EML1: variants seen among roughly 807,000 people sequenced by gnomAD.
EML1 encodes the protein echinoderm microtubule-associated protein-like 1.
Under a neutral mutation model 110.4 loss-of-function variants are expected in EML1, and 27 were observed. That is an observed-to-expected ratio of 0.24 (90% confidence interval 0.18 to 0.34). The LOEUF is 0.34. Among genes scored for constraint, EML1 ranks in the 10% least tolerant of loss-of-function variants. EML1 has a pLI of 1.00. For missense variants in EML1, 741 were observed against 1,030.9 expected (o/e 0.72, Z 3.85); for synonymous variants, 344 against 385.8 (o/e 0.89, Z 1.27).
intron 5 of EML1, among the ~76,000 whole-genome samples, chr14:99,892,965 G>A (rs761688636): frequency 1.4e-5 from 2 of 148,134 alleles, no homozygotes; most frequent in African/African-American, 2.6e-5. Context: ...AATGTCAATC[G>A]TTTGGGTGCT....
At chr14:99,927,793 T>TGG (rs1403520973) in intron 17 of EML1, among the ~76,000 whole-genome samples, 3 of 22,890 alleles carry the variant, frequency 1.3e-4, no homozygotes, top group African/African-American at 2.4e-4. Flanking sequence ...GGTGGTGGTA[T>TGG]TGGTGGTGGG....
intron 1 of EML1, among the ~76,000 whole-genome samples, chr14:99,787,426 C>T (rs1339190320): frequency 6.6e-6 from 1 of 151,888 alleles, no homozygotes; most frequent in Non-Finnish European, 1.5e-5. Context: ...TTATATCCAC[C>T]TGCCACCATG....
chr14:99,912,288 A>T (rs967845655), intron 13 of EML1, among the ~76,000 whole-genome samples: 1 of 152,186 alleles, frequency 6.6e-6, no homozygotes, highest in Non-Finnish European at 1.5e-5. Flanking sequence ...CTAAGTGCCA[A>T]TGTGCTCCCT....
chr14:99,886,150 A>C (rs1287312047), intron 4 of EML1: 3 of 236,786 alleles, frequency 1.3e-5, no homozygotes, highest in African/African-American at 7.0e-5. Context: ...TCTGACTTCC[A>C]GCAGGAACTT....
intron 17 of EML1, among the ~76,000 whole-genome samples, chr14:99,927,192 C>CA (rs893564787): frequency 4.0e-5 from 6 of 151,538 alleles, no homozygotes; most frequent in East Asian, 1.9e-4. Context: ...AACCAGGAAG[C>CA]AAAAAAAAGC....
At chr14:99,907,508 A>G (rs2059871136) in intron 9 of EML1, 130 bp from the exon 10 acceptor site, 1 of 767,084 alleles carries the variant, frequency 1.3e-6, no homozygotes, top group Non-Finnish European at 2.1e-6. Context: ...CTCAAAAGCA[A>G]TGGATGAGTA....
chr14:99,899,135 G>T (rs2059718935), intron 8 of EML1, among the ~76,000 whole-genome samples: 1 of 152,036 alleles, frequency 6.6e-6, no homozygotes, highest in African/African-American at 2.4e-5. Context: ...GAGGGAGCTT[G>T]TAGCTTTTTT....
chr14:99,872,998 G>A (rs79187980), intron 3 of EML1, among the ~76,000 whole-genome samples: 1,964 of 152,240 alleles, frequency 0.013, 38 homozygotes, highest in Non-Finnish European at 0.015. Flanking sequence ...TTAAGACTTC[G>A]ATTGAGGGCT....
rs1249929087 is a variant in EML1, at chr14:99,937,173, G to T, written c.2096-644G>T. Among the ~76,000 whole-genome samples, 7 of 152,240 alleles carry T rather than the reference G, an allele frequency of 4.6e-5. 1 individual carries two copies. Among genetic ancestry groups the T allele is most frequent in the African/African-American group, 1.7e-4 (7 of 41,466 alleles). On this transcript the variant is annotated intron_variant, in intron 19 of 21. Transcript: ENST00000262233. ...ACCAGGACAGGCAGGACCACTGGCG[G>T]CAGGGAAAGCAGGGCAGTGTGTACC...
chr14:99,824,153 T>A (rs892303120), intron 1 of EML1, among the ~76,000 whole-genome samples: 3 of 152,134 alleles, frequency 2.0e-5, no homozygotes, highest in Non-Finnish European at 4.4e-5. Context: ...AGAGATGGGG[T>A]TTCACTATGT....
intron 19 of EML1, among the ~76,000 whole-genome samples, chr14:99,937,547 T>C (rs1329489960): frequency 6.6e-6 from 1 of 151,958 alleles, no homozygotes; most frequent in Non-Finnish European, 1.5e-5. Flanking sequence ...AACCAGAGGC[T>C]AGAGAAGCCA....
chr14:99,816,388 C>T (rs1429136869), intron 1 of EML1, among the ~76,000 whole-genome samples: 2 of 152,228 alleles, frequency 1.3e-5, no homozygotes, highest in Admixed American at 6.5e-5. Flanking sequence ...GTCTTGATCT[C>T]CTAACCTCAG....
intron 1 of EML1, among the ~76,000 whole-genome samples, chr14:99,847,232 TATG>T (rs1410392052): frequency 6.6e-6 from 1 of 152,236 alleles, no homozygotes; most frequent in Non-Finnish European, 1.5e-5. Flanking sequence ...TGACCCAGAA[TATG>T]ATGTGTCCTG....
chr14:99,799,443 G>T (rs139214477), intron 1 of EML1, among the ~76,000 whole-genome samples: 2 of 152,190 alleles, frequency 1.3e-5, no homozygotes, highest in Admixed American at 6.5e-5. Flanking sequence ...CAAACTCAAC[G>T]CTCCGAAGTA....
chr14:99,901,672 A>G (rs1005561247), intron 9 of EML1, among the ~76,000 whole-genome samples: 4 of 152,190 alleles, frequency 2.6e-5, no homozygotes, highest in African/African-American at 9.6e-5. Context: ...GTAAACTGTC[A>G]TGGTGCTGGT....
chr14:99,898,233 C>T lies in EML1; in HGVS notation c.828C>T (p.Cys276=), dbSNP rs748322849. ...HYAGHNDDVK[C]LAVHPDRITI... ...TGTTTTGTAAATATCCTTTTCTTAG[C>T]CTAGCAGTTCATCCTGATCGGATCA... Residue 276 remains cysteine (C), a splice_region_variant and synonymous_variant, in exon 8 of 22, where the codon TGC becomes TGT. Coordinates refer to ENST00000262233, the MANE Select transcript of EML1 (RefSeq NM_004434.3). 1.3e-6 allele frequency: 2 copies of T among 1,592,620 alleles called. No individual in the cohort carries two copies. The highest frequency in any genetic ancestry group is 1.7e-6 in the Non-Finnish European group (2 of 1,166,872).
At chr14:99,887,551 C>G (rs999208432) in intron 4 of EML1, among the ~76,000 whole-genome samples, 2 of 152,144 alleles carry the variant, frequency 1.3e-5, no homozygotes, top group Non-Finnish European at 2.9e-5. Context: ...ACCCCGCCAC[C>G]GCCATGGAGC....
intron 1 of EML1, among the ~76,000 whole-genome samples, chr14:99,794,715 A>G (rs2057738331): frequency 6.6e-6 from 1 of 152,168 alleles, no homozygotes; most frequent in Admixed American, 6.5e-5. Context: ...GAATTTAGTA[A>G]TTCCCTCTTC....
intron 1 of EML1, among the ~76,000 whole-genome samples, chr14:99,758,309 T>C (rs2057278527): frequency 6.6e-6 from 1 of 152,180 alleles, no homozygotes; most frequent in African/African-American, 2.4e-5. Context: ...CTTTGGCTCT[T>C]GAGATGATGT....
Sources: gnomAD v4.1 joint callset for allele counts (sites outside exome capture counted in the v4.1 genomes callset) on GRCh38, gnomAD v4.1.1 for gene constraint, MANE v1.5 for transcripts, NCBI Gene and HGNC (gene_info 2026-07-23, HGNC 2026-07-21) for gene names.